The following NAA60 variants were observed in gnomAD, a reference collection of about 807,000 sequenced individuals.
NAA60 encodes the protein N-alpha-acetyltransferase 60, NatF catalytic subunit, also known as N-alpha-acetyltransferase 60.
A neutral mutation model predicts 26.1 loss-of-function variants in NAA60; 8 were observed. The ratio of observed to expected loss-of-function variants is 0.31; its 90% CI spans 0.18 to 0.55. The LOEUF (loss-of-function observed/expected upper bound fraction) is 0.55. Ranked by LOEUF, NAA60 falls within the 20% of genes least tolerant of loss-of-function variation. The pLI, the probability that NAA60 is intolerant of heterozygous loss-of-function variation, is 0.93. For synonymous variants in NAA60, 131 were observed against 122.5 expected, an observed-to-expected ratio of 1.07 and a Z score of -0.46; for missense variants, 290 against 311.3, an observed-to-expected ratio of 0.93 and a Z score of 0.51.
At chr16:3,485,200 CAGCCCAGAGGTTTGGTGA>C (rs1567404907) in intron 7 of NAA60, 139 bp downstream of exon 7, 1 of 704,100 alleles carries the variant, frequency 1.4e-6, no homozygotes, top group African/African-American at 1.7e-5. Context: ...TGCACCAGCA[CAGCCCAGAGGTTTGGTGA>C]CTTGTGCCAA....
chr16:3,484,943 C>T lies in NAA60; in HGVS notation c.*88C>T. On this transcript the variant is annotated 3_prime_UTR_variant, in exon 7 of 8. Coordinates refer to ENST00000407558, the MANE Select transcript of NAA60 (RefSeq NM_001083601.3). ...TCCATCTGACCCCTTCTGTTTTCTGCAAGGAGCTGCCAGCCATCTAACTGG... is the reference window on the plus strand; with the variant it reads ...TCCATCTGACCCCTTCTGTTTTCTGTAAGGAGCTGCCAGCCATCTAACTGG... The T allele has an allele frequency of 6.5e-7, 1 of 1,537,794 alleles. No individual in the cohort carries two copies. Among genetic ancestry groups the T allele is most frequent in the African/African-American group, 1.4e-5 (1 of 73,116 alleles).
rs549350349 is a variant in NAA60 at position 3,452,148 on chromosome 16, C to T, written c.-7+3608C>T. Reference sequence around the variant, plus strand: ...GGATCACTTGAGACCAGGAGGTTGACGCTGCAGTAAGCCGTGATCACGCCA... The same window carrying T: ...GGATCACTTGAGACCAGGAGGTTGATGCTGCAGTAAGCCGTGATCACGCCA... On this transcript the variant is annotated intron_variant, in intron 2 of 7. Coordinates refer to ENST00000407558, the MANE Select transcript of NAA60 (RefSeq NM_001083601.3). Among the ~76,000 whole-genome samples, 25 of 151,978 alleles carry T rather than the reference C, an allele frequency of 1.6e-4. 1 individual carries two copies. In the South Asian group the frequency reaches 4.2e-3, roughly 25 times the overall value.
In NAA60 at chr16:3,443,719, C is replaced by CT; in HGVS notation, c.-194dup. ...GGGGTCTCCTCCGTGAGCTCCGGGC[C>CT]TGTTTGCCTGCTGAAGTAGAGTCTT... On this transcript the variant is annotated 5_prime_UTR_variant, in exon 1 of 8. Coordinates refer to ENST00000407558, the MANE Select transcript of NAA60 (RefSeq NM_001083601.3). 1 of 1,474,624 alleles carries CT rather than the reference C, an allele frequency of 6.8e-7. No homozygotes were observed. Among genetic ancestry groups the CT allele is most frequent in the Non-Finnish European group, 9.0e-7 (1 of 1,115,296 alleles). The allele number at this position is 1,474,624 out of a possible 1,614,324, so 91.3% of individuals were successfully genotyped here.
At chr16:3,454,592 C>T (rs1302398331) in intron 2 of NAA60, among the ~76,000 whole-genome samples, 1 of 152,042 alleles carries the variant, frequency 6.6e-6, no homozygotes, top group Non-Finnish European at 1.5e-5. Context: ...ACTGAGTAGC[C>T]TGTTAGATCA....
intron 2 of NAA60, among the ~76,000 whole-genome samples, chr16:3,471,606 C>G (rs942224413): frequency 6.6e-6 from 1 of 152,196 alleles, no homozygotes; most frequent in African/African-American, 2.4e-5. Context: ...AACCCCACTT[C>G]CTGGGTCCAG....
intron 2 of NAA60, among the ~76,000 whole-genome samples, chr16:3,449,137 G>A (rs984649090): frequency 2.0e-5 from 3 of 152,218 alleles, no homozygotes; most frequent in Non-Finnish European, 4.4e-5. Flanking sequence ...ACTTTAGGAG[G>A]TGAGGCGGGT....
chr16:3,446,615 A>G (rs1567358939), intron 1 of NAA60, among the ~76,000 whole-genome samples: 2 of 122,840 alleles, frequency 1.6e-5, no homozygotes, highest in African/African-American at 5.5e-5. Context: ...ACTCTTTATT[A>G]TTTGTTTTTT....
chr16:3,457,902 A>G, intron 2 of NAA60: 1 of 841,246 alleles, frequency 1.2e-6, no homozygotes, highest in Non-Finnish European at 1.4e-6. Flanking sequence ...CTTCGCACGG[A>G]GCCTGCCCGC....
Position 3,443,770 on chromosome 16 carries a change from T to C in NAA60, c.-144T>C, listed in dbSNP as rs2034436542. The C allele has an allele frequency of 2.6e-6, 4 of 1,533,990 alleles. No individual in the cohort carries two copies. The highest frequency in any genetic ancestry group is 1.2e-5 in the South Asian group (1 of 83,922). On this transcript the variant is annotated 5_prime_UTR_variant, in exon 1 of 8. Coordinates refer to ENST00000407558, the MANE Select transcript of NAA60 (RefSeq NM_001083601.3). ...AGGGTGACCCCAGGGGGACGTAATG[T>C]TTCCGAGAAGAAGGACAGAAAGAAG...
intron 3 of NAA60, among the ~76,000 whole-genome samples, chr16:3,477,170 G>T (rs760574957): frequency 6.6e-6 from 1 of 152,086 alleles, no homozygotes; most frequent in Non-Finnish European, 1.5e-5. Flanking sequence ...CTGAGCGGGG[G>T]TGAAAAAAAT....
At chr16:3,458,223 CGGGGCGCCGAG>C in intron 2 of NAA60, 1 of 574,746 alleles carries the variant, frequency 1.7e-6, no homozygotes, top group Non-Finnish European at 2.2e-6. Context: ...GGACCTGCGG[CGGGGCGCCGAG>C]GGGGCGGGGT....
intron 2 of NAA60, among the ~76,000 whole-genome samples, chr16:3,456,288 A>T (rs2034990631): frequency 6.6e-6 from 1 of 152,184 alleles, no homozygotes; most frequent in African/African-American, 2.4e-5. Context: ...CATTTTTAGC[A>T]AGCTCCCAGG....
At chr16:3,452,845 C>T (rs886967670) in intron 2 of NAA60, among the ~76,000 whole-genome samples, 24 of 151,432 alleles carry the variant, frequency 1.6e-4, no homozygotes, top group African/African-American at 5.3e-4. Context: ...GTCCCAGCTA[C>T]TGGGGAGGCT....
intron 2 of NAA60, among the ~76,000 whole-genome samples, chr16:3,463,776 T>G (rs1596312949): frequency 6.6e-6 from 1 of 151,890 alleles, no homozygotes; most frequent in African/African-American, 2.4e-5. Context: ...GAGGCTGAGG[T>G]TGAGGGATCC....
chr16:3,444,114 G>A (rs2034452114), intron 1 of NAA60, among the ~76,000 whole-genome samples: 1 of 152,212 alleles, frequency 6.6e-6, no homozygotes, highest in Non-Finnish European at 1.5e-5. Flanking sequence ...CAGCTTCCTA[G>A]TCACAGGATC....
At position 3,485,067 on chromosome 16, in the gene NAA60, C is replaced by T. The variant is rs1407971017; in HGVS notation, c.*206+6C>T. Reference sequence around the variant, plus strand: ...AGCATGCCCATCCGTGGCAGGTACGCCACAGCAGACACAAAGGTATGGGAG... The same window carrying T: ...AGCATGCCCATCCGTGGCAGGTACGTCACAGCAGACACAAAGGTATGGGAG... On this transcript the variant is annotated splice_donor_region_variant and intron_variant, in intron 7 of 7. Transcript: ENST00000407558. The T allele has an allele frequency of 2.1e-6, 3 of 1,428,244 alleles. No individual in the cohort carries two copies. The Admixed American group carries it at 6.0e-5, about 28-fold the overall frequency. 88.5% of individuals were successfully genotyped at this position (1,428,244 alleles called of 1,614,324 possible). A position where few individuals can be genotyped will look rare whatever the true frequency, so the allele number is the denominator to read the frequency against.
At chr16:3,460,790 A>G (rs1205924060) in intron 2 of NAA60, among the ~76,000 whole-genome samples, 1 of 152,230 alleles carries the variant, frequency 6.6e-6, no homozygotes, top group Non-Finnish European at 1.5e-5. Context: ...GCTGATCTGC[A>G]AAAAGATGCT....
At chr16:3,463,114 C>G (rs1596311366) in intron 2 of NAA60, among the ~76,000 whole-genome samples, 1 of 152,094 alleles carries the variant, frequency 6.6e-6, no homozygotes, top group East Asian at 1.9e-4. Flanking sequence ...CCATGCTACT[C>G]CAAGGCACAG....
intron 1 of NAA60, 21 bp downstream of exon 1, chr16:3,443,858 C>G (rs928461711): frequency 3.2e-5 from 49 of 1,528,200 alleles, no homozygotes; most frequent in African/African-American, 1.9e-4. Flanking sequence ...CCAACAGTGC[C>G]CTGTAGGCCT....
Sources: allele counts gnomAD v4.1 joint callset (sites outside exome capture counted in the v4.1 genomes callset), GRCh38; gene constraint gnomAD v4.1.1; transcripts MANE v1.5; gene names NCBI Gene and HGNC (gene_info 2026-07-23, HGNC 2026-07-21).